PRRX2: variants seen among roughly 807,000 people sequenced by gnomAD.
PRRX2 encodes the protein paired related homeobox 2.
PRRX2 carries 11 observed loss-of-function variants against 18.0 expected under a neutral mutation model. The observed-to-expected ratio is 0.61, with a 90% CI of 0.39 to 1.01. The LOEUF (loss-of-function observed/expected upper bound fraction) is 1.01. Ranked by LOEUF, PRRX2 falls within the 50% of genes least tolerant of loss-of-function variation. The probability of loss-of-function intolerance (pLI) is 0.01; values close to 1 mark genes in which losing one functional copy is unlikely to be tolerated. For missense variants in PRRX2, 387 were observed against 351.0 expected (o/e 1.10, Z -0.82); for synonymous variants, 177 against 154.8 (o/e 1.14, Z -1.06).
intron 1 of PRRX2, among the ~76,000 whole-genome samples, chr9:129,677,958 CTTTTTTTTTTTT>C (rs760645440): frequency 2.7e-4 from 30 of 113,116 alleles, no homozygotes; most frequent in African/African-American, 1.2e-3. Context: ...TTCTTTCTTT[CTTTTTTTTTTTT>C]TTTTTTTTTT....
At chr9:129,704,479 TGG>T (rs1832535289) in intron 1 of PRRX2, among the ~76,000 whole-genome samples, 2 of 152,118 alleles carry the variant, frequency 1.3e-5, no homozygotes, top group African/African-American at 4.8e-5. Context: ...GGTGGGCTGC[TGG>T]TAGCCCCCCT....
intron 1 of PRRX2, among the ~76,000 whole-genome samples, chr9:129,679,737 C>T (rs898258140): frequency 2.6e-5 from 4 of 152,172 alleles, no homozygotes; most frequent in African/African-American, 9.7e-5. Flanking sequence ...GAGGTGATCC[C>T]TGGCCCAGGC....
At chr9:129,707,563 G>C (rs964625828) in intron 1 of PRRX2, among the ~76,000 whole-genome samples, 3 of 152,004 alleles carry the variant, frequency 2.0e-5, no homozygotes, top group African/African-American at 4.8e-5. Context: ...AGGCTGGTCT[G>C]GTGGGTCACC....
chr9:129,678,219 C>T (rs1233741955), intron 1 of PRRX2, among the ~76,000 whole-genome samples: 3 of 152,192 alleles, frequency 2.0e-5, no homozygotes, highest in Non-Finnish European at 4.4e-5. Flanking sequence ...CTGCCTCGAC[C>T]TCCCAAAGTG....
chr9:129,714,971 G>C (rs568398839), intron 1 of PRRX2, among the ~76,000 whole-genome samples: 1 of 152,166 alleles, frequency 6.6e-6, no homozygotes, highest in East Asian at 1.9e-4. Flanking sequence ...CTCTTGTTTC[G>C]GTTTAAAGTT....
chr9:129,684,182 G>T (rs537376849), intron 1 of PRRX2, among the ~76,000 whole-genome samples: 1 of 152,242 alleles, frequency 6.6e-6, no homozygotes, highest in East Asian at 1.9e-4. Context: ...ACAAGGGTAC[G>T]GTTATAGTTG....
At position 129,697,297 on chromosome 9, in the gene PRRX2, G is replaced by A. The variant is rs911757852; in HGVS notation, c.260-21934G>A. ...GGAAGGCGAGGAGGGAGCTGGCTGG[G>A]CTGCAGGGGAGCGCTGCGTCCCGCT... On this transcript the variant is annotated intron_variant, in intron 1 of 3. Coordinates refer to ENST00000372469, the MANE Select transcript of PRRX2 (RefSeq NM_016307.4). Among the ~76,000 whole-genome samples, 3 of 152,270 alleles carry A rather than the reference G, an allele frequency of 2.0e-5. No homozygotes were observed. The East Asian group carries it at 5.8e-4, about 29-fold the overall frequency.
intron 1 of PRRX2, among the ~76,000 whole-genome samples, chr9:129,697,022 G>A (rs1832433849): frequency 6.6e-6 from 1 of 152,224 alleles, no homozygotes; most frequent in Admixed American, 6.5e-5. Context: ...ACTGTTAAAC[G>A]GGGACGGTAG....
rs1216033580 is a variant in PRRX2, at chr9:129,671,028, A to G, written c.259+4902A>G. 6.6e-6 allele frequency among the ~76,000 whole-genome samples: 1 copy of G among 152,056 alleles called. No individual in the cohort carries two copies. Among genetic ancestry groups the G allele is most frequent in the African/African-American group, 2.4e-5 (1 of 41,368 alleles). ...CATGTCACCTCTCTGTGCCTCGTTC[A>G]CCACCTGAACAGTGGGAGATGGCGT... On this transcript the variant is annotated intron_variant, in intron 1 of 3. Transcript: ENST00000372469. This position sits in a 1 kb window ranked among gnomAD's most constrained non-coding sequence, Gnocchi z 4.0.
intron 1 of PRRX2, among the ~76,000 whole-genome samples, chr9:129,704,992 T>A (rs1832539452): frequency 6.6e-6 from 1 of 152,238 alleles, no homozygotes; most frequent in Non-Finnish European, 1.5e-5. Context: ...TACCAGCGCC[T>A]TATTAAAATG....
intron 1 of PRRX2, among the ~76,000 whole-genome samples, chr9:129,708,358 A>G (rs572930971): frequency 6.6e-6 from 1 of 152,262 alleles, no homozygotes; most frequent in South Asian, 2.1e-4. Flanking sequence ...TTTTGATTCT[A>G]ACTATCCTAG....
intron 1 of PRRX2, among the ~76,000 whole-genome samples, chr9:129,703,613 G>A (rs73627661): frequency 0.032 from 4,935 of 152,094 alleles, 299 homozygotes; most frequent in African/African-American, 0.11. Context: ...TGCATTGTAC[G>A]ACGCAGGGCT....
At chr9:129,716,318 A>G (rs116663237) in intron 1 of PRRX2, among the ~76,000 whole-genome samples, 2,756 of 152,312 alleles carry the variant, frequency 0.018, 81 homozygotes, top group African/African-American at 0.062. Context: ...TTGAATAAAC[A>G]CAGCAGAGTC....
chr9:129,669,219 C>T (rs1321498342), intron 1 of PRRX2, among the ~76,000 whole-genome samples: 2 of 151,964 alleles, frequency 1.3e-5, no homozygotes, highest in South Asian at 2.1e-4. Flanking sequence ...CCCGCTACTG[C>T]CAATGACTTT....
chr9:129,685,834 G>A (rs1344822675), intron 1 of PRRX2, among the ~76,000 whole-genome samples: 3 of 152,238 alleles, frequency 2.0e-5, no homozygotes, highest in Non-Finnish European at 4.4e-5. Flanking sequence ...AGGCGCCACT[G>A]CTGACACAGC....
Position 129,675,132 on chromosome 9 carries a change from A to C in PRRX2, c.259+9006A>C, listed in dbSNP as rs1832147923. On this transcript the variant is annotated intron_variant, in intron 1 of 3. Transcript: ENST00000372469. This position sits in a 1 kb window ranked among gnomAD's most constrained non-coding sequence, Gnocchi z 4.4. ...GCAGGATGCATAAGGCTGGCTCTGG[A>C]CCTGGAAGGGCCCGGAAGTGTCCAG... Among the ~76,000 whole-genome samples, 1 of 152,120 alleles carries C rather than the reference A, an allele frequency of 6.6e-6. No homozygotes were observed. Among genetic ancestry groups the C allele is most frequent in the African/African-American group, 2.4e-5 (1 of 41,418 alleles).
At chr9:129,699,439 ATGTG>A (rs3138854) in intron 1 of PRRX2, among the ~76,000 whole-genome samples, 5,944 of 145,542 alleles carry the variant, frequency 0.041, 124 homozygotes, top group South Asian at 0.063. Flanking sequence ...AAATATATAT[ATGTG>A]TGTGTGTGTG....
chr9:129,693,320 G>A (rs1832383325), intron 1 of PRRX2, among the ~76,000 whole-genome samples: 1 of 152,202 alleles, frequency 6.6e-6, no homozygotes, highest in Non-Finnish European at 1.5e-5. Flanking sequence ...TCAGCTGGGT[G>A]CGGTGGCTCA....
chr9:129,697,483 T>C (rs12000525), intron 1 of PRRX2, among the ~76,000 whole-genome samples: 53,930 of 150,902 alleles, frequency 0.36, 10,611 homozygotes, highest in East Asian at 0.57. Context: ...CAGGGGCTCG[T>C]CTGGAACCAG....
Sources: allele counts gnomAD v4.1 joint callset (sites outside exome capture counted in the v4.1 genomes callset), GRCh38; gene constraint gnomAD v4.1.1; non-coding constraint Gnocchi (gnomAD v3.1); transcripts MANE v1.5; gene names NCBI Gene and HGNC (gene_info 2026-07-23, HGNC 2026-07-21).